The following ANKRD35 variants were observed in gnomAD, a reference collection of about 807,000 sequenced individuals.
ANKRD35 encodes ankyrin repeat domain-containing protein 35.
A neutral mutation model predicts 109.9 loss-of-function variants in ANKRD35; 102 were observed. That is an observed-to-expected ratio of 0.93 (90% CI 0.79 to 1.09). The LOEUF is 1.09. Among genes scored for constraint, ANKRD35 ranks in the 50% least tolerant of loss-of-function variants. The probability of loss-of-function intolerance (pLI) is 0.00; values close to 1 mark genes in which losing one functional copy is unlikely to be tolerated. For synonymous variants in ANKRD35, 515 were observed against 512.4 expected, an observed-to-expected ratio of 1.01 and a Z score of -0.07; for missense variants, 1,240 against 1,230.1, an observed-to-expected ratio of 1.01 and a Z score of -0.12.
chr1:145,871,690 A>G (rs1653827078), intron 10 of ANKRD35, among the ~76,000 whole-genome samples: 1 of 152,142 alleles, frequency 6.6e-6, no homozygotes, highest in Admixed American at 6.5e-5. Flanking sequence ...CTAATAAACG[A>G]TGGTGCTGCA....
At chr1:145,867,497 T>C (rs1438531228) in intron 12 of ANKRD35, 105 bp from the exon 13 acceptor site, 1 of 911,916 alleles carries the variant, frequency 1.1e-6, no homozygotes, top group Non-Finnish European at 1.8e-6. Flanking sequence ...TTATTTACTA[T>C]ATACCTTCAC....
chr1:145,873,716 C>A lies in ANKRD35; in HGVS notation c.1053G>T (p.Glu351Asp), dbSNP rs1421605125. Residue 351 changes from glutamate to aspartate, a missense_variant, in exon 10 of 14, where the codon GAG (glutamate) becomes GAT (aspartate). Physicochemically the swap from Glu to Asp is conservative, Grantham distance 45. Transcript: ENST00000355594. The part of the protein sequence containing the change: ...AQELGVLLSW[E>D]PRASGKQGSS... Reference sequence around the variant, plus strand: ...AGCCTTGCTTTCCTGAAGCTCTGGGCTCCCAGGATAGGAGGACCCCTAGCT... The same window carrying A: ...AGCCTTGCTTTCCTGAAGCTCTGGGATCCCAGGATAGGAGGACCCCTAGCT... 8 of 1,613,864 alleles carry A rather than the reference C, an allele frequency of 5.0e-6. No individual in the cohort carries two copies. The highest frequency in any genetic ancestry group is 6.8e-6 in the Non-Finnish European group (8 of 1,179,932).
At chr1:145,876,054 A>G in intron 7 of ANKRD35, 86 bp downstream of exon 7, 7 of 1,111,840 alleles carry the variant, frequency 6.3e-6, no homozygotes, top group African/African-American at 1.6e-5. Context: ...AACACACACA[A>G]ACACACACAC....
Position 145,878,390 on chromosome 1 carries a change from C to G in ANKRD35, c.259+1G>C. 6.4e-7 allele frequency: 1 copy of G among 1,564,156 alleles called. No individual in the cohort carries two copies. The highest frequency in any genetic ancestry group is 8.7e-7 in the Non-Finnish European group (1 of 1,153,466). ...GTGGCCCAGTGCTCCGGCTCACTCA[C>G]CATCCTCATTCTTGCTGTTGATGTC... On this transcript the variant is annotated splice_donor_variant, in intron 3 of 13. Coordinates refer to ENST00000355594, the MANE Select transcript of ANKRD35 (RefSeq NM_144698.5). LOFTEE classifies it high-confidence loss of function.
Position 145,879,397 on chromosome 1 carries a change from G to C in ANKRD35, c.40-9C>G, listed in dbSNP as rs972471012. 1.4e-5 allele frequency: 21 copies of C among 1,553,038 alleles called. No individual in the cohort carries two copies. The highest frequency in any genetic ancestry group is 3.8e-5 in the Admixed American group (2 of 53,232). ...CGGTTCCATCTCTCCACCTGGTCCA[G>C]AGCCACAGGTTGTGTGAATATAGGG... is the stretch of plus-strand genomic sequence containing the variant. On this transcript the variant is annotated splice_polypyrimidine_tract_variant and intron_variant, in intron 1 of 13. Transcript: ENST00000355594.
chr1:145,875,778 G>C (rs1428789997), intron 7 of ANKRD35, among the ~76,000 whole-genome samples: 1 of 151,600 alleles, frequency 6.6e-6, no homozygotes, highest in Non-Finnish European at 1.5e-5. Context: ...TCAATCTCTT[G>C]ACCTCGTGAT....
rs1259488016 is a variant in ANKRD35, at chr1:145,872,639, T to C, written c.2130A>G (p.Ala710=). 6.2e-7 allele frequency: 1 copy of C among 1,613,954 alleles called. No individual in the cohort carries two copies. The highest frequency in any genetic ancestry group is 1.3e-5 in the African/African-American group (1 of 74,934). The change falls in exon 10 of 14, where the codon GCA becomes GCG. Residue 710 remains alanine, a synonymous_variant. Transcript: ENST00000355594. ...GLRGLWDCLP[A]DLVGERSAQS... Reference sequence around the variant, plus strand: ...GTGCACTCCTCTCGCCCACTAGGTCTGCGGGCAGGCAGTCCCACAGCCCTC... The same window carrying C: ...GTGCACTCCTCTCGCCCACTAGGTCCGCGGGCAGGCAGTCCCACAGCCCTC...
chr1:145,875,901 C>A (rs1553739966), intron 7 of ANKRD35, among the ~76,000 whole-genome samples: 1 of 152,104 alleles, frequency 6.6e-6, no homozygotes, highest in South Asian at 2.1e-4. Context: ...GTAAATTCAG[C>A]CAACGGGTCC....
chr1:145,875,636 C>T (rs1305077807), intron 7 of ANKRD35, among the ~76,000 whole-genome samples: 1 of 151,964 alleles, frequency 6.6e-6, no homozygotes, highest in Non-Finnish European at 1.5e-5. Context: ...GCAACCTCCA[C>T]CTCCCAGATT....
chr1:145,883,034 AG>A (rs1431821708), intron 1 of ANKRD35, among the ~76,000 whole-genome samples: 1 of 151,608 alleles, frequency 6.6e-6, no homozygotes, highest in Non-Finnish European at 1.5e-5. Context: ...AAGGGGAACC[AG>A]GACCTAATTC....
At chr1:145,866,946 G>C (rs894895285) in intron 13 of ANKRD35, among the ~76,000 whole-genome samples, 181 bp from the exon 14 acceptor site, 2 of 152,112 alleles carry the variant, frequency 1.3e-5, no homozygotes, top group African/African-American at 4.8e-5. Flanking sequence ...TCAAAGTGAA[G>C]AGATTCTGGA....
chr1:145,877,933 C>T, intron 4 of ANKRD35, 35 bp downstream of exon 4: 1 of 1,597,402 alleles, frequency 6.3e-7, no homozygotes, highest in Non-Finnish European at 8.6e-7. Context: ...CCACTTCTTC[C>T]CTTCATAAGA....
At position 145,873,225 on chromosome 1, in the gene ANKRD35, C is replaced by A; in HGVS notation, c.1544G>T (p.Arg515Ile). 1.3e-5 allele frequency: 21 copies of A among 1,614,014 alleles called. No individual in the cohort carries two copies. Among genetic ancestry groups the A allele is most frequent in the Non-Finnish European group, 1.7e-5 (20 of 1,180,026 alleles). ...CCCCAGGGCTCCCTCCATGACCGGT[C>A]TTGACAAAGCCCCCCGGGCAGCATC... ...EKDAARGALS[R>I]PVMEGALGTP... The change falls in exon 10 of 14, where the codon AGA becomes ATA. Residue 515 changes from arginine (R) to isoleucine (I), a missense_variant. By Grantham distance (97) the Arg-to-Ile change is moderately conservative (BLOSUM62 -3). Transcript: ENST00000355594.
In ANKRD35 at chr1:145,873,025, C is replaced by T. The variant is rs1291246111; in HGVS notation, c.1744G>A (p.Glu582Lys). The T allele has an allele frequency of 2.5e-6, 4 of 1,611,282 alleles. No individual in the cohort carries two copies. In the African/African-American group the frequency reaches 5.4e-5, roughly 22 times the overall value. Residue 582 changes from glutamate (E) to lysine (K), a missense_variant, in exon 10 of 14, where the codon GAA becomes AAA. Transcript: ENST00000355594. ...KAAPGSIKQDEEKEKRVPGAQ... is the reference protein window; with the variant it reads ...KAAPGSIKQDKEKEKRVPGAQ... ...CCAGGAACCCTTTTCTCCTTCTCTT[C>T]ATCCTGTTTGATGCTCCCTGGGGCT...
chr1:145,877,454 G>A (rs934091320), intron 4 of ANKRD35, among the ~76,000 whole-genome samples: 8 of 152,026 alleles, frequency 5.3e-5, no homozygotes, highest in Admixed American at 1.3e-4. Flanking sequence ...GGATGGTCTC[G>A]ATCTCCTGAT....
intron 4 of ANKRD35, among the ~76,000 whole-genome samples, chr1:145,877,590 A>G (rs587638372): frequency 2.2e-4 from 33 of 152,308 alleles, no homozygotes; most frequent in Admixed American, 2.0e-4. Flanking sequence ...GTCATTTTAC[A>G]TGTATATTTC....
intron 10 of ANKRD35, among the ~76,000 whole-genome samples, chr1:145,871,160 T>TA (rs1653803690): frequency 3.4e-5 from 2 of 58,618 alleles, no homozygotes; most frequent in African/African-American, 1.5e-4. Context: ...TTTCTTTTTT[T>TA]TTTTTTTTTT....
rs781847464 is a variant in ANKRD35, at chr1:145,885,737, A to G, written c.22T>C (p.Ser8Pro). 15 of 1,614,040 alleles carry G rather than the reference A, an allele frequency of 9.3e-6. No homozygotes were observed. The highest frequency in any genetic ancestry group is 1.2e-5 in the Non-Finnish European group (14 of 1,179,984). The stretch of plus-strand genomic sequence containing the variant: ...GCACCTACCGCCACCTGTGTGCTGG[A>G]GCAGGAGAAGATACGCTTCATGGCC... Reference protein sequence around the residue: MKRIFSCSSTQVAVERWN... With the variant: MKRIFSCPSTQVAVERWN... The change falls in exon 1 of 14, where the codon TCC becomes CCC. Residue 8 changes from serine (S) to proline (P), a missense_variant. Physicochemically the swap from Ser to Pro is moderately conservative, Grantham distance 74 (BLOSUM62 -1). Transcript: ENST00000355594.
intron 13 of ANKRD35, 100 bp downstream of exon 13, chr1:145,867,187 A>T: frequency 1.3e-6 from 1 of 765,264 alleles, no homozygotes; most frequent in Non-Finnish European, 2.2e-6. Flanking sequence ...CCCCATTGTC[A>T]GCCACCACGG....
Sources: allele counts gnomAD v4.1 joint callset (sites outside exome capture counted in the v4.1 genomes callset), GRCh38; gene constraint gnomAD v4.1.1; transcripts MANE v1.5; gene names NCBI Gene and HGNC (gene_info 2026-07-23, HGNC 2026-07-21).